DSG4: variants seen among roughly 807,000 people sequenced by gnomAD.
DSG4 encodes desmoglein 4.
A neutral mutation model predicts 93.1 loss-of-function variants in DSG4; 87 were observed. The observed-to-expected ratio is 0.93, with a 90% CI of 0.79 to 1.12. The LOEUF is 1.12. Ranked by LOEUF, DSG4 falls within the 50% of genes most tolerant of loss-of-function variation. The pLI is 0.00. For synonymous variants in DSG4, 432 were observed against 452.9 expected (o/e 0.95, Z 0.59); for missense variants, 1,373 against 1,285.7 (o/e 1.07, Z -1.04).
rs751209217 is a variant in DSG4, at chr18:31,413,274, AG to A, written c.2803del (p.Val935Ter). 2 of 1,614,182 alleles carry A rather than the reference AG, an allele frequency of 1.2e-6. No individual in the cohort carries two copies. Among genetic ancestry groups the A allele is most frequent in the South Asian group, 2.2e-5 (2 of 91,080 alleles). On this transcript the variant is annotated frameshift_variant, in exon 16 of 16. Coordinates refer to ENST00000308128, the MANE Select transcript of DSG4 (RefSeq NM_177986.5). LOFTEE classifies it low-confidence loss of function (END_TRUNC). ...ATCCTCAGCTTGCACCCAATGTTGT[AG>A]TAACCGAAGCAGTAATGGCACCTGT... ...FDPQLAPNVV[V>X]TEAVMAPVYD... is the part of the protein sequence containing the mutation.
Position 31,414,398 on chromosome 18 carries a change from A to G in DSG4, c.*803A>G, listed in dbSNP as rs776624081. 7 of 152,302 alleles carry G rather than the reference A, an allele frequency of 4.6e-5. No individual in the cohort carries two copies. Among genetic ancestry groups the G allele is most frequent in the Non-Finnish European group, 7.4e-5 (5 of 68,022 alleles). 9.4% of individuals were successfully genotyped at this position (152,302 alleles called of 1,614,324 possible). On this transcript the variant is annotated 3_prime_UTR_variant, in exon 16 of 16. Transcript: ENST00000308128. The stretch of plus-strand genomic sequence containing the variant: ...GTTGCCAATTATGTCAGAAAAATAC[A>G]TGAAATATGGCTTAACCAATTTCAT...
intron 11 of DSG4, among the ~76,000 whole-genome samples, chr18:31,405,315 A>G (rs1381497406): frequency 1.3e-5 from 2 of 152,198 alleles, no homozygotes; most frequent in South Asian, 2.1e-4. Context: ...TTTTAAATGA[A>G]AGGGCAACAA....
At chr18:31,402,740 T>C (rs1598747837) in intron 10 of DSG4, among the ~76,000 whole-genome samples, 1 of 152,106 alleles carries the variant, frequency 6.6e-6, no homozygotes, top group Admixed American at 6.5e-5. Context: ...TAACAGAACA[T>C]AGAGTAGAAA....
At chr18:31,385,198 A>T in intron 2 of DSG4, 27 bp downstream of exon 2, 1 of 1,511,210 alleles carries the variant, frequency 6.6e-7, no homozygotes. Flanking sequence ...TTATTTTCTC[A>T]ATTTAAAATT....
intron 5 of DSG4, among the ~76,000 whole-genome samples, chr18:31,389,830 A>G (rs969504906): frequency 6.6e-6 from 1 of 152,162 alleles, no homozygotes; most frequent in African/African-American, 2.4e-5. Context: ...TTGAACTAGG[A>G]TAGTCCTCCC....
chr18:31,412,670 T>C (rs994503959), intron 15 of DSG4, among the ~76,000 whole-genome samples, 158 bp from the exon 16 acceptor site: 1 of 152,216 alleles, frequency 6.6e-6, no homozygotes, highest in African/African-American at 2.4e-5. Context: ...TCACAGAATG[T>C]GCATGGATAG....
At chr18:31,378,197 C>T (rs971882399) in intron 1 of DSG4, among the ~76,000 whole-genome samples, 2 of 152,132 alleles carry the variant, frequency 1.3e-5, no homozygotes, top group Non-Finnish European at 2.9e-5. Flanking sequence ...TATTTTTAAA[C>T]TTAAAAACAT....
chr18:31,393,010 T>C (rs2072266038), intron 8 of DSG4, among the ~76,000 whole-genome samples: 1 of 152,216 alleles, frequency 6.6e-6, no homozygotes, highest in South Asian at 2.1e-4. Flanking sequence ...AATTTTTCTT[T>C]AATTACTTGC....
intron 1 of DSG4, among the ~76,000 whole-genome samples, chr18:31,380,121 T>A (rs2144156710): frequency 6.6e-6 from 1 of 152,268 alleles, no homozygotes; most frequent in Non-Finnish European, 1.5e-5. Context: ...AAAAAAAGCT[T>A]TATATCCCAA....
At chr18:31,393,269 T>C (rs1013507623) in intron 8 of DSG4, among the ~76,000 whole-genome samples, 1 of 152,224 alleles carries the variant, frequency 6.6e-6, no homozygotes, top group African/African-American at 2.4e-5. Context: ...ATTATTCAGT[T>C]CTGTTACTAT....
chr18:31,408,105 T>G (rs975988236), intron 12 of DSG4, among the ~76,000 whole-genome samples: 4 of 152,184 alleles, frequency 2.6e-5, no homozygotes, highest in African/African-American at 9.6e-5. Context: ...TTGTTTTCAA[T>G]GGAGAAGCCC....
chr18:31,395,057 C>T (rs1005319384), intron 8 of DSG4, among the ~76,000 whole-genome samples: 2 of 152,070 alleles, frequency 1.3e-5, no homozygotes, highest in Admixed American at 6.6e-5. Flanking sequence ...AGTAGAGACT[C>T]ACAAAATTTG....
chr18:31,398,396 A>C (rs2072328455), intron 8 of DSG4, among the ~76,000 whole-genome samples: 1 of 152,196 alleles, frequency 6.6e-6, no homozygotes, highest in Non-Finnish European at 1.5e-5. Flanking sequence ...GTAACTCTAA[A>C]ACCTAAGGAA....
chr18:31,409,634 G>A (rs1274804854), intron 13 of DSG4, 43 bp downstream of exon 13: 1 of 1,614,134 alleles, frequency 6.2e-7, no homozygotes, highest in Non-Finnish European at 8.5e-7. Context: ...GAGTTTCAGT[G>A]GAAATTGAGC....
rs2072427330 is a variant in DSG4 at position 31,406,376 on chromosome 18, A to C, written c.1933+3A>C. ...TCTGGGCATCCTGCTACTGATTTGT[A>C]AGTACTCAATTAAATCCTTCTTTTC... On this transcript the variant is annotated splice_donor_region_variant and intron_variant, in intron 12 of 15. Transcript: ENST00000308128. 6.2e-7 allele frequency: 1 copy of C among 1,614,104 alleles called. No individual in the cohort carries two copies. The highest frequency in any genetic ancestry group is 8.5e-7 in the Non-Finnish European group (1 of 1,180,040).
Position 31,392,137 on chromosome 18 carries a change from T to C in DSG4, c.820-18T>C. 1.2e-6 allele frequency: 2 copies of C among 1,612,708 alleles called. No individual in the cohort carries two copies. Among genetic ancestry groups the C allele is most frequent in the East Asian group, 2.2e-5 (1 of 44,754 alleles). On this transcript the variant is annotated intron_variant, in intron 7 of 15. Transcript: ENST00000308128. ...TTTTGAAAATTCATTGACTACAAAA[T>C]TGATCCTTGCATTTTAGTACTCAGC... is the stretch of plus-strand genomic sequence containing the variant.
Position 31,406,182 on chromosome 18 carries a change from T to C in DSG4, c.1742T>C (p.Met581Thr), listed in dbSNP as rs1392097946. Reference protein sequence around the residue: ...SYNRACELAQMVQLYACDCDD... With the variant: ...SYNRACELAQTVQLYACDCDD... ...AACAGAGCATGTGAATTGGCACAAA[T>C]GGTGCAGTTATATGCCTGTGATTGC... Residue 581 changes from methionine (M) to threonine (T), a missense_variant, in exon 12 of 16, where the codon ATG becomes ACG. Transcript: ENST00000308128. The C allele has an allele frequency of 1.9e-6, 3 of 1,614,130 alleles. No homozygotes were observed. Among genetic ancestry groups the C allele is most frequent in the African/African-American group, 1.3e-5 (1 of 75,022 alleles).
At chr18:31,378,945 C>A (rs1363277551) in intron 1 of DSG4, among the ~76,000 whole-genome samples, 1 of 152,148 alleles carries the variant, frequency 6.6e-6, no homozygotes, top group Admixed American at 6.6e-5. Context: ...TTGCAGCTTA[C>A]ACTAATGAGG....
rs756189247 is a variant in DSG4, at chr18:31,413,389, G to C, written c.2917G>C (p.Gly973Arg). ...IYAERVLASP[G>R]VPDMSNSSTT... ...TGCTGAGAGAGTACTGGCTAGTCCTGGTGTGCCTGACATGAGCAATAGTAG... is the reference window on the plus strand; with the variant it reads ...TGCTGAGAGAGTACTGGCTAGTCCTCGTGTGCCTGACATGAGCAATAGTAG... The change falls in exon 16 of 16, where the codon GGT (glycine) becomes CGT (arginine). Residue 973 changes from glycine to arginine, a missense_variant. By Grantham distance (125) the Gly-to-Arg change is moderately radical. Coordinates refer to ENST00000308128, the MANE Select transcript of DSG4 (RefSeq NM_177986.5). 4.3e-6 allele frequency: 7 copies of C among 1,614,088 alleles called. No individual in the cohort carries two copies. In the South Asian group the frequency reaches 7.7e-5, roughly 18 times the overall value.
Sources: gnomAD v4.1 joint callset for allele counts (sites outside exome capture counted in the v4.1 genomes callset) on GRCh38, gnomAD v4.1.1 for gene constraint, MANE v1.5 for transcripts, NCBI Gene and HGNC (gene_info 2026-07-23, HGNC 2026-07-21) for gene names.